The following NRG1 variants were observed in gnomAD, a reference collection of about 807,000 sequenced individuals.
The protein encoded by NRG1 is pro-neuregulin-1, membrane-bound isoform.
Under a neutral mutation model 63.8 loss-of-function variants are expected in NRG1, and 18 were observed. The observed-to-expected ratio is 0.28, with a 90% CI of 0.19 to 0.42. NRG1 has a LOEUF of 0.42. NRG1 is among the 10% of genes least tolerant of loss of function. The probability of loss-of-function intolerance (pLI) is 1.00; values close to 1 mark genes in which losing one functional copy is unlikely to be tolerated. For missense variants in NRG1, 762 were observed against 814.7 expected, an observed-to-expected ratio of 0.94 and a Z score of 0.79; for synonymous variants, 302 against 301.3, an observed-to-expected ratio of 1.00 and a Z score of -0.02.
In NRG1 at chr8:32,742,553, T is replaced by G; in HGVS notation, c.633-122T>G. On this transcript the variant is annotated intron_variant, in intron 6 of 11. Coordinates refer to ENST00000356819, the Ensembl canonical transcript of NRG1. The surrounding 1 kb of genome is among the most constrained non-coding windows in gnomAD (Gnocchi z 4.2). ...GCCATGATCAGGGCAAAGATTCAGT[T>G]CCTGAGGGTGAACTCACCAAGTTTC... The G allele has an allele frequency of 1.2e-6, 1 of 847,392 alleles. No homozygotes were observed. Among genetic ancestry groups the G allele is most frequent in the Non-Finnish European group, 1.9e-6 (1 of 532,060 alleles). The allele number at this position is 847,392 out of a possible 1,614,324, so 52.5% of individuals were successfully genotyped here.
Position 32,557,562 on chromosome 8 carries a change from A to G in NRG1, c.100+8736A>G, listed in dbSNP as rs554947153. ...AACAGTTATAATAGCAGTCATATTG[A>G]AACTGATTGTCATCTATTTCTGGGA... On this transcript the variant is annotated intron_variant, in intron 1 of 11. Transcript: ENST00000356819. Among the ~76,000 whole-genome samples, 7 of 152,342 alleles carry G rather than the reference A, an allele frequency of 4.6e-5. No homozygotes were observed. The South Asian group carries it at 1.2e-3, about 27-fold the overall frequency.
At chr8:31,653,626 AC>A (rs1408383644) in intron 1 of NRG1, among the ~76,000 whole-genome samples, 1 of 152,186 alleles carries the variant, frequency 6.6e-6, no homozygotes, top group African/African-American at 2.4e-5. Flanking sequence ...AGAGCCTCAT[AC>A]CTGTGTGCAG....
chr8:32,020,432 G>A (rs1816242200), intron 1 of NRG1, among the ~76,000 whole-genome samples: 1 of 152,066 alleles, frequency 6.6e-6, no homozygotes, highest in Admixed American at 6.5e-5. Flanking sequence ...AATAATGATA[G>A]TTTTATTTTT....
At chr8:32,401,405 A>G (rs567343706) in intron 1 of NRG1, among the ~76,000 whole-genome samples, 1 of 152,104 alleles carries the variant, frequency 6.6e-6, no homozygotes, top group African/African-American at 2.4e-5. Context: ...TCTCTCTGGC[A>G]CTTATCATTT....
intron 1 of NRG1, among the ~76,000 whole-genome samples, chr8:31,845,935 T>C (rs1383894): frequency 0.021 from 3,231 of 152,282 alleles, 104 homozygotes; most frequent in African/African-American, 0.072. Context: ...GGGAAATCAA[T>C]CTTGGTTCTC....
intron 5 of NRG1, chr8:32,647,441 G>T: frequency 2.0e-6 from 2 of 985,328 alleles, no homozygotes; most frequent in Non-Finnish European, 2.4e-6. Context: ...TCCTCTTGAC[G>T]AGCCCGGGAT....
intron 1 of NRG1, among the ~76,000 whole-genome samples, chr8:31,749,736 GATATAT>G (rs35399357): frequency 6.8e-6 from 1 of 146,564 alleles, no homozygotes. Context: ...TGATATATAT[GATATAT>G]ATATATATAT....
exon 11 of NRG1, chr8:32,760,301 C>T (rs778372887): frequency 1.2e-6 from 2 of 1,614,048 alleles, no homozygotes; most frequent in Non-Finnish European, 8.5e-7. Context: ...ACTGGGGGCC[C>T]AAGAGGACGT....
intron 1 of NRG1, among the ~76,000 whole-genome samples, chr8:32,556,022 C>G (rs1835111576): frequency 6.6e-6 from 1 of 152,196 alleles, no homozygotes; most frequent in Admixed American, 6.5e-5. Context: ...GAGCTGCCTT[C>G]TCTGGGCAGC....
At chr8:32,061,394 C>T (rs1327669969) in intron 1 of NRG1, among the ~76,000 whole-genome samples, 1 of 151,984 alleles carries the variant, frequency 6.6e-6, no homozygotes, top group Non-Finnish European at 1.5e-5. Flanking sequence ...AACTGTTTCT[C>T]AATGTATCAT....
intron 1 of NRG1, among the ~76,000 whole-genome samples, chr8:32,485,578 A>G (rs150408175): frequency 3.3e-5 from 5 of 152,348 alleles, no homozygotes; most frequent in African/African-American, 1.2e-4. Context: ...TGCAAAGCAG[A>G]CACTCAAGAA....
intron 1 of NRG1, among the ~76,000 whole-genome samples, chr8:31,867,784 G>A (rs1045078524): frequency 1.4e-4 from 21 of 151,952 alleles, no homozygotes; most frequent in South Asian, 2.1e-4. Context: ...TTGATTATGC[G>A]AAGACAAATC....
At chr8:32,759,777 T>C (rs1325462057) in intron 10 of NRG1, among the ~76,000 whole-genome samples, 1 of 152,178 alleles carries the variant, frequency 6.6e-6, no homozygotes, top group Non-Finnish European at 1.5e-5. Flanking sequence ...CACATGAGAA[T>C]TGGTTAAATA....
intron 1 of NRG1, among the ~76,000 whole-genome samples, chr8:32,303,529 T>C (rs1855858869): frequency 1.3e-5 from 2 of 152,190 alleles, no homozygotes; most frequent in South Asian, 4.1e-4. Context: ...TATCCCAAAA[T>C]GAAATGACAC....
At chr8:32,255,159 G>C (rs946037396) in intron 1 of NRG1, among the ~76,000 whole-genome samples, 1 of 152,154 alleles carries the variant, frequency 6.6e-6, no homozygotes, top group African/African-American at 2.4e-5. Flanking sequence ...CTGCCAGTCT[G>C]TGTCTTTAAT....
At chr8:31,830,153 A>G (rs558360086) in intron 1 of NRG1, among the ~76,000 whole-genome samples, 3 of 152,198 alleles carry the variant, frequency 2.0e-5, no homozygotes, top group African/African-American at 7.2e-5. Flanking sequence ...GAAATGACAA[A>G]TGAGTAGTTA....
chr8:32,770,810 G>T (rs1831734374), downstream of NRG1, among the ~76,000 whole-genome samples: 1 of 152,140 alleles, frequency 6.6e-6, no homozygotes, highest in Non-Finnish European at 1.5e-5. Context: ...GTGTGGTCAG[G>T]ATTAAACTTG....
chr8:32,686,923 T>C (rs954453846), intron 5 of NRG1, among the ~76,000 whole-genome samples: 1 of 152,230 alleles, frequency 6.6e-6, no homozygotes, highest in Non-Finnish European at 1.5e-5. Flanking sequence ...CCTGCTAGCA[T>C]TGAAGTTAGG....
chr8:32,463,713 T>C (rs967513076), intron 1 of NRG1, among the ~76,000 whole-genome samples: 7 of 151,620 alleles, frequency 4.6e-5, no homozygotes, highest in Non-Finnish European at 4.4e-5. Context: ...TGGTGGCACA[T>C]GCCTGTAGTC....
Sources: gnomAD v4.1 joint callset for allele counts (sites outside exome capture counted in the v4.1 genomes callset) on GRCh38, gnomAD v4.1.1 for gene constraint, Gnocchi (gnomAD v3.1) non-coding constraint, MANE v1.5 for transcripts, NCBI Gene and HGNC (gene_info 2026-07-23, HGNC 2026-07-21) for gene names.